The following KCNH4 variants were observed in gnomAD, a reference collection of about 807,000 sequenced individuals.
KCNH4 encodes the protein voltage-gated delayed rectifier potassium channel KCNH4.
A neutral mutation model predicts 90.7 loss-of-function variants in KCNH4; 33 were observed. That is an observed-to-expected ratio of 0.36 (90% CI 0.28 to 0.49). KCNH4 has a LOEUF of 0.49. KCNH4 is among the 20% of genes least tolerant of loss of function. The pLI is 0.98. For missense variants in KCNH4, 1,044 were observed against 1,387.1 expected (o/e 0.75, Z 3.93); for synonymous variants, 551 against 581.7 (o/e 0.95, Z 0.76).
At chr17:42,169,790 G>A in intron 8 of KCNH4, 114 bp from the exon 9 acceptor site, 1 of 1,072,072 alleles carries the variant, frequency 9.3e-7, no homozygotes, top group Non-Finnish European at 1.4e-6. Flanking sequence ...GTGCCTACCA[G>A]GTGCCAGGCA....
intron 6 of KCNH4, among the ~76,000 whole-genome samples, chr17:42,173,706 T>TTC (rs1445959120): frequency 3.1e-5 from 4 of 128,668 alleles, no homozygotes; most frequent in East Asian, 2.2e-4. Flanking sequence ...TTTTTTTTTT[T>TTC]TTTTTTTTTT....
intron 6 of KCNH4, 53 bp downstream of exon 6, chr17:42,175,526 T>C: frequency 1.2e-6 from 2 of 1,604,170 alleles, no homozygotes; most frequent in Non-Finnish European, 8.5e-7. Context: ...TCCTGGAAGA[T>C]GCTGTGCTGA....
rs1470099665 is a variant in KCNH4, at chr17:42,178,964, C to T, written c.139G>A (p.Asp47Asn). ...TRGFPIVYCSDGFCELTGYGR... is the reference protein window; with the variant it reads ...TRGFPIVYCSNGFCELTGYGR... ...TAGCCTGTGAGCTCGCAGAAGCCGT[C>T]GGAGCAGTAGACGATGGGAAAGCCC... is the stretch of plus-strand genomic sequence containing the variant. The change falls in exon 2 of 17, where the codon GAC (aspartate) becomes AAC (asparagine). Residue 47 changes from aspartate to asparagine, a missense_variant. Around this residue, in one of 4 missense-constraint regions of KCNH4, gnomAD observed 283 missense variants for 378.6 expected, o/e 0.75. Transcript: ENST00000264661. The T allele has an allele frequency of 8.1e-6, 13 of 1,614,090 alleles. No individual in the cohort carries two copies. Among genetic ancestry groups the T allele is most frequent in the Non-Finnish European group, 1.1e-5 (13 of 1,180,048 alleles).
chr17:42,175,677 G>C lies in KCNH4; in HGVS notation c.889C>G (p.Pro297Ala), dbSNP rs1316927202. ...VSQSGQVISA[P>A]RSIGLHYLAT... Reference sequence around the variant, plus strand: ...AGGTAGTGGAGGCCAATGGAACGAGGAGCAGAGATTACCTGGCCGGACTGG... The same window carrying C: ...AGGTAGTGGAGGCCAATGGAACGAGCAGCAGAGATTACCTGGCCGGACTGG... Residue 297 changes from proline (P) to alanine (A), a missense_variant, in exon 6 of 17, where the codon CCT (proline) becomes GCT (alanine). By Grantham distance (27) the Pro-to-Ala change is conservative. This residue lies in a region of KCNH4 where 318 missense variants were observed against 479.6 expected (regional missense o/e 0.66). Transcript: ENST00000264661. The C allele has an allele frequency of 6.2e-7, 1 of 1,614,036 alleles. No homozygotes were observed. The highest frequency in any genetic ancestry group is 8.5e-7 in the Non-Finnish European group (1 of 1,180,032).
In KCNH4 at chr17:42,158,885, T is replaced by C. The variant is rs550852975; in HGVS notation, c.*309+846A>G. ...TTTTTATAGAGATAGGGTCTCGCTA[T>C]GTTGCTCAGGTGGATCTCAAACTCA... On this transcript the variant is annotated intron_variant, in intron 16 of 16. Transcript: ENST00000264661. Among the ~76,000 whole-genome samples the C allele has an allele frequency of 1.3e-4, 19 of 151,970 alleles. No homozygotes were observed. The East Asian group carries it at 3.1e-3, about 25-fold the overall frequency.
At chr17:42,164,638 A>G (rs536140460) in intron 11 of KCNH4, among the ~76,000 whole-genome samples, 1 of 151,528 alleles carries the variant, frequency 6.6e-6, no homozygotes, top group African/African-American at 2.4e-5. Flanking sequence ...CCCCATCTCT[A>G]CTAAAAATAT....
chr17:42,176,064 G>T lies in KCNH4; in HGVS notation c.819C>A (p.Leu273=). ...GGCAGAAGGTCTGACCTAGGATGAA[G>T]AGCATTTCCACGGCGATGTCGCTGA... ...TLVSDIAVEM[L]FILDIILNFR... Residue 273 remains leucine, a synonymous_variant, in exon 5 of 17, where the codon CTC becomes CTA. Transcript: ENST00000264661. 3 of 1,606,560 alleles carry T rather than the reference G, an allele frequency of 1.9e-6. No individual in the cohort carries two copies. The highest frequency in any genetic ancestry group is 2.6e-6 in the Non-Finnish European group (3 of 1,174,514).
In KCNH4 at chr17:42,176,209, G is replaced by A; in HGVS notation, c.674C>T (p.Ser225Phe). 1 of 1,613,882 alleles carries A rather than the reference G, an allele frequency of 6.2e-7. No individual in the cohort carries two copies. The highest frequency in any genetic ancestry group is 8.5e-7 in the Non-Finnish European group (1 of 1,179,924). ...GATAAGGCCGTCCCAGATGGCCTTG[G>A]AGACGCTGTAGTGGAGGAGGAGGCA... Reference protein sequence around the residue: ...SRCLLLHYSVSKAIWDGLILL... With the variant: ...SRCLLLHYSVFKAIWDGLILL... The change falls in exon 5 of 17, where the codon TCC (serine) becomes TTC (phenylalanine). Residue 225 changes from serine (S) to phenylalanine (F), a missense_variant. Around this residue, in one of 4 missense-constraint regions of KCNH4, gnomAD observed 283 missense variants for 378.6 expected, o/e 0.75. Coordinates refer to ENST00000264661, the MANE Select transcript of KCNH4 (RefSeq NM_012285.3).
intron 4 of KCNH4, among the ~76,000 whole-genome samples, chr17:42,177,404 G>C (rs191912234): frequency 4.0e-4 from 58 of 144,954 alleles, no homozygotes; most frequent in Non-Finnish European, 6.6e-4. Flanking sequence ...TCACTATGTT[G>C]CCCAGGCTGG....
intron 8 of KCNH4, 97 bp from the exon 9 acceptor site, chr17:42,169,773 C>A: frequency 7.9e-7 from 1 of 1,271,702 alleles, no homozygotes. Flanking sequence ...AGCCAGCGGG[C>A]TCCTGTGTGC....
At chr17:42,178,274 G>T in intron 3 of KCNH4, 47 bp from the exon 4 acceptor site, 9 of 1,614,120 alleles carry the variant, frequency 5.6e-6, no homozygotes, top group Non-Finnish European at 7.6e-6. Context: ...CATCCCTTGC[G>T]GCTGGTTAGG....
chr17:42,174,850 C>G (rs1158336838), intron 6 of KCNH4, among the ~76,000 whole-genome samples: 1 of 152,182 alleles, frequency 6.6e-6, no homozygotes, highest in African/African-American at 2.4e-5. Context: ...CAGCCTCTAC[C>G]TTCTTGTCTA....
chr17:42,178,145 G>C lies in KCNH4; in HGVS notation c.540C>G (p.Thr180=), dbSNP rs778587156. 1 of 1,614,170 alleles carries C rather than the reference G, an allele frequency of 6.2e-7. No homozygotes were observed. Among genetic ancestry groups the C allele is most frequent in the Non-Finnish European group, 8.5e-7 (1 of 1,180,002 alleles). The change falls in exon 4 of 17, where the codon ACC becomes ACG. Residue 180 remains threonine (T), a synonymous_variant. Coordinates refer to ENST00000264661, the MANE Select transcript of KCNH4 (RefSeq NM_012285.3). ...RRSRTVLHRL[T]GHFGRRGQGG... ...CCTGGCCCCGGCGGCCAAAGTGGCC[G>C]GTCAGTCGGTGTAGGACAGTACGGC...
At chr17:42,176,410 T>G in intron 4 of KCNH4, 113 bp from the exon 5 acceptor site, 2 of 984,002 alleles carry the variant, frequency 2.0e-6, no homozygotes, top group Non-Finnish European at 3.1e-6. Context: ...CAAGGGCACT[T>G]TTGACCATGA....
At chr17:42,161,884 C>A (rs977819615) in intron 15 of KCNH4, among the ~76,000 whole-genome samples, 23 of 151,770 alleles carry the variant, frequency 1.5e-4, no homozygotes, top group African/African-American at 5.3e-4. Context: ...TGGGACTTGC[C>A]CAAGGTTTAA....
chr17:42,158,680 A>G (rs990787819), intron 16 of KCNH4, among the ~76,000 whole-genome samples: 2 of 148,450 alleles, frequency 1.3e-5, no homozygotes, highest in African/African-American at 5.0e-5. Flanking sequence ...CTAAAAATAC[A>G]AAAAATTAGC....
Position 42,166,355 on chromosome 17 carries a change from G to A in KCNH4, c.1782C>T (p.Tyr594=). The A allele has an allele frequency of 4.3e-6, 7 of 1,613,442 alleles. No individual in the cohort carries two copies. The highest frequency in any genetic ancestry group is 5.9e-6 in the Non-Finnish European group (7 of 1,179,686). The change falls in exon 10 of 17, where the codon TAC becomes TAT. Residue 594 remains tyrosine, a synonymous_variant. Coordinates refer to ENST00000264661, the MANE Select transcript of KCNH4 (RefSeq NM_012285.3). Reference sequence around the variant, plus strand: ...CCTCAAGCGAGCCGGAGCAGACATAGTAATGTGCCTGCAGGGCATCCCCAC... The same window carrying A: ...CCTCAAGCGAGCCGGAGCAGACATAATAATGTGCCTGCAGGGCATCCCCAC... ...LRRGDALQAH[Y]YVCSGSLEVL... is the part of the protein sequence containing the mutation.
chr17:42,160,270 A>G lies in KCNH4; in HGVS notation c.2824T>C (p.Ser942Pro). 1 of 1,614,080 alleles carries G rather than the reference A, an allele frequency of 6.2e-7. No individual in the cohort carries two copies. Among genetic ancestry groups the G allele is most frequent in the Non-Finnish European group, 8.5e-7 (1 of 1,179,992 alleles). Residue 942 changes from serine to proline, a missense_variant, in exon 16 of 17, where the codon TCC becomes CCC. Ser to Pro is a moderately conservative substitution (Grantham distance 74). Transcript: ENST00000264661. ...LRPPCLSPCA[S>P]RPPPSLQDTT... is the part of the protein sequence containing the mutation. ...TCCTGGAGGCTGGGTGGTGGTCTGG[A>G]CGCACAAGGAGAGAGGCATGGTGGC... is the stretch of plus-strand genomic sequence containing the variant.
chr17:42,163,894 C>T lies in KCNH4; in HGVS notation c.2189G>A (p.Ser730Asn), dbSNP rs2079767540. ...KTLPSITEAE[S>N]GAEPGGGPRP... is the part of the protein sequence containing the mutation. ...GGGACCACCCCCAGGCTCCGCGCCA[C>T]TCTCGGCCTCTGTGATGGATGGCAG... The change falls in exon 13 of 17, where the codon AGT becomes AAT. Residue 730 changes from serine (S) to asparagine (N), a missense_variant. Physicochemically the swap from Ser to Asn is conservative, Grantham distance 46 (BLOSUM62 1). This residue lies in a region of KCNH4 where 441 missense variants were observed against 512.3 expected (regional missense o/e 0.86). Coordinates refer to ENST00000264661, the MANE Select transcript of KCNH4 (RefSeq NM_012285.3). This position sits in a 1 kb window ranked among gnomAD's most constrained non-coding sequence, Gnocchi z 5.4. 1 of 1,545,300 alleles carries T rather than the reference C, an allele frequency of 6.5e-7. No homozygotes were observed. Among genetic ancestry groups the T allele is most frequent in the South Asian group, 1.2e-5 (1 of 83,534 alleles).
Sources: gnomAD v4.1 joint callset for allele counts (sites outside exome capture counted in the v4.1 genomes callset) on GRCh38, gnomAD v4.1.1 for gene constraint, gnomAD v4.1.1 regional missense constraint, Gnocchi (gnomAD v3.1) non-coding constraint, MANE v1.5 for transcripts, NCBI Gene and HGNC (gene_info 2026-07-23, HGNC 2026-07-21) for gene names.